Variants in OR3A3 observed in about 807,000 individuals in gnomAD.
The protein encoded by OR3A3 is olfactory receptor 3A3.
For synonymous variants in OR3A3, 103 were observed against 163.9 expected (o/e 0.63, Z 2.84); for missense variants, 275 against 391.4 (o/e 0.70, Z 2.51).
chr17:3,421,602 C>T (rs2072436258), exon 3 of OR3A3: 3 of 1,499,514 alleles, frequency 2.0e-6, no homozygotes, highest in Non-Finnish European at 2.7e-6. Flanking sequence ...ACCAACAAAC[C>T]TTGTTTATAA....
At chr17:3,420,106 C>A (rs1055522686) in intron 2 of OR3A3, among the ~76,000 whole-genome samples, 7 of 152,032 alleles carry the variant, frequency 4.6e-5, no homozygotes, top group African/African-American at 1.7e-4. Flanking sequence ...AAAAGGAAGT[C>A]TTTTGCCTTT....
At chr17:3,421,496 T>C (rs1225314905) in exon 3 of OR3A3, 2 of 1,543,342 alleles carry the variant, frequency 1.3e-6, no homozygotes, top group Admixed American at 3.9e-5. Context: ...CAGGGCGCTC[T>C]GTGTCAGCTA....
At chr17:3,413,831 A>AAAAAAC (rs1555532356) in intron 2 of OR3A3, among the ~76,000 whole-genome samples, 6 of 143,580 alleles carry the variant, frequency 4.2e-5, no homozygotes, top group Admixed American at 6.8e-5. Context: ...AAAAAAAAAC[A>AAAAAAC]AAAAAACAAA....
chr17:3,418,584 T>C (rs1371321304), intron 2 of OR3A3, among the ~76,000 whole-genome samples: 2 of 152,172 alleles, frequency 1.3e-5, no homozygotes, highest in East Asian at 3.8e-4. Context: ...AAACAAAGGA[T>C]TTTAAAGAAT....
intron 2 of OR3A3, among the ~76,000 whole-genome samples, chr17:3,418,990 T>C (rs547984446): frequency 2.0e-5 from 3 of 152,202 alleles, no homozygotes; most frequent in Non-Finnish European, 4.4e-5. Context: ...GTCTGTGCAA[T>C]GTAGAACCCT....
chr17:3,415,681 A>G (rs1405029922), intron 2 of OR3A3, among the ~76,000 whole-genome samples: 2 of 150,496 alleles, frequency 1.3e-5, no homozygotes, highest in Non-Finnish European at 3.0e-5. Flanking sequence ...ATTGATAATG[A>G]ATTTACTTGT....
At chr17:3,411,815 A>G (rs2072363857) in intron 1 of OR3A3, among the ~76,000 whole-genome samples, 163 bp from the exon 2 acceptor site, 2 of 152,220 alleles carry the variant, frequency 1.3e-5, no homozygotes, top group South Asian at 2.1e-4. Context: ...CAGAGCCGAC[A>G]TCATCTGCCG....
At chr17:3,416,290 C>G (rs1398991247) in intron 2 of OR3A3, among the ~76,000 whole-genome samples, 2 of 152,136 alleles carry the variant, frequency 1.3e-5, no homozygotes, top group Non-Finnish European at 2.9e-5. Flanking sequence ...TACATTTTCT[C>G]ATTTTGAACT....
At chr17:3,421,182 G>A (rs767537418) in exon 3 of OR3A3, 10 of 1,614,054 alleles carry the variant, frequency 6.2e-6, no homozygotes, top group Non-Finnish European at 8.5e-6. Context: ...AACTCAATGA[G>A]CTGCTGCTCT....
chr17:3,417,920 A>G (rs1042925568), intron 2 of OR3A3, among the ~76,000 whole-genome samples: 10 of 152,188 alleles, frequency 6.6e-5, no homozygotes, highest in Non-Finnish European at 1.5e-5. Flanking sequence ...AGTCTCTAGA[A>G]GCCGGTCTTC....
chr17:3,421,617 T>C, exon 3 of OR3A3: 1 of 1,455,338 alleles, frequency 6.9e-7, no homozygotes. Context: ...TTATAACCAT[T>C]ATTTCTATCT....
chr17:3,419,729 CTTTTTTTTTTTTTT>C (rs564569456), intron 2 of OR3A3, among the ~76,000 whole-genome samples: 1 of 98,906 alleles, frequency 1.0e-5, no homozygotes, highest in East Asian at 2.8e-4. Flanking sequence ...AAAATTCTAT[CTTTTTTTTTTTTTT>C]TTTTTTTTGA....
At chr17:3,416,958 ATTTATC>A (rs1228355188) in intron 2 of OR3A3, among the ~76,000 whole-genome samples, 2 of 151,892 alleles carry the variant, frequency 1.3e-5, no homozygotes, top group African/African-American at 2.4e-5. Context: ...CCATTAACCA[ATTTATC>A]TTTATCACTC....
At chr17:3,421,828 A>G (rs1045650772) in exon 3 of OR3A3, 7 of 282,036 alleles carry the variant, frequency 2.5e-5, no homozygotes, top group Non-Finnish European at 4.6e-5. Context: ...TAAATAAATA[A>G]GCATCATATA....
chr17:3,420,895 C>CTCT lies in OR3A3; in HGVS notation c.319_321dup (p.Phe107dup), dbSNP rs752402647. 10 of 1,594,968 alleles carry CTCT rather than the reference C, an allele frequency of 6.3e-6. No individual in the cohort carries two copies. The South Asian group carries it at 1.1e-4, about 18-fold the overall frequency. On this transcript the variant is annotated inframe_insertion, in exon 3 of 3. Coordinates refer to ENST00000641141, the Ensembl canonical transcript of OR3A3. ...TTCCTATGACGCCTGCCTCTCCCAG[C>CTCT]TCTTCTTCTTCCACCTTCTGGCTGG...
chr17:3,415,765 C>A lies in OR3A3; in HGVS notation c.-7+3594C>A, dbSNP rs575863010. 8.3e-5 allele frequency among the ~76,000 whole-genome samples: 12 copies of A among 145,268 alleles called. No individual in the cohort carries two copies. In the South Asian group the frequency reaches 2.6e-3, roughly 31 times the overall value. On this transcript the variant is annotated intron_variant, in intron 2 of 2. Coordinates refer to ENST00000641141, the Ensembl canonical transcript of OR3A3. ...ATGATGCTGTCTTTGGAGTTTAGTT[C>A]GTTTTATTTTATTTTTTATTTACTT...
chr17:3,419,945 T>TTTG (rs1207687434), intron 2 of OR3A3, among the ~76,000 whole-genome samples: 2 of 151,994 alleles, frequency 1.3e-5, no homozygotes, highest in Non-Finnish European at 2.9e-5. Context: ...TTTTTTGTAT[T>TTTG]TTTAGTAGAG....
At chr17:3,419,932 AT>A (rs926272531) in intron 2 of OR3A3, among the ~76,000 whole-genome samples, 2 of 151,304 alleles carry the variant, frequency 1.3e-5, no homozygotes, top group East Asian at 1.9e-4. Flanking sequence ...AGCCCGGCTG[AT>A]TTTTTTTGTA....
intron 2 of OR3A3, among the ~76,000 whole-genome samples, chr17:3,420,166 C>T (rs184473502): frequency 6.2e-4 from 94 of 152,078 alleles, no homozygotes; most frequent in African/African-American, 2.2e-3. Context: ...CATGAAGTTA[C>T]GAGATACACG....
Sources: allele counts gnomAD v4.1 joint callset (sites outside exome capture counted in the v4.1 genomes callset), GRCh38; gene constraint gnomAD v4.1.1; transcripts MANE v1.5; gene names NCBI Gene and HGNC (gene_info 2026-07-23, HGNC 2026-07-21).